Variants in MARK4 observed in about 807,000 individuals in gnomAD.
The protein encoded by MARK4 is MAP/microtubule affinity-regulating kinase 4.
In MARK4, 19 loss-of-function variants were observed where a neutral mutation model predicts 81.5. The ratio of observed to expected loss-of-function variants is 0.23; its 90% CI spans 0.16 to 0.34. MARK4 has a LOEUF of 0.34. MARK4 is among the 10% of genes least tolerant of loss of function. The pLI, the probability that MARK4 is intolerant of heterozygous loss-of-function variation, is 1.00. For synonymous variants in MARK4, 436 were observed against 439.0 expected (o/e 0.99, Z 0.08); for missense variants, 772 against 1,058.8 (o/e 0.73, Z 3.76).
intron 9 of MARK4, among the ~76,000 whole-genome samples, chr19:45,278,315 G>C (rs1340662245): frequency 6.6e-6 from 1 of 152,132 alleles, no homozygotes; most frequent in African/African-American, 2.4e-5. Context: ...CAGGGACCCA[G>C]ATGATGCGGA....
At chr19:45,282,100 A>G (rs1279990565) in intron 12 of MARK4, among the ~76,000 whole-genome samples, 3 of 151,806 alleles carry the variant, frequency 2.0e-5, no homozygotes, top group Admixed American at 2.0e-4. Flanking sequence ...GTGCGTGCCT[A>G]TAATCCCAGC....
intron 13 of MARK4, 127 bp from the exon 14 acceptor site, chr19:45,294,222 A>G: frequency 3.7e-6 from 3 of 803,422 alleles, no homozygotes; most frequent in South Asian, 1.6e-5. Flanking sequence ...ACCATCTCCT[A>G]CTCACCCTGG....
intron 1 of MARK4, among the ~76,000 whole-genome samples, chr19:45,257,748 G>A (rs963365785): frequency 4.7e-5 from 7 of 149,268 alleles, no homozygotes; most frequent in East Asian, 2.0e-4. Flanking sequence ...GGAGTGCAGC[G>A]GCGCGATCTC....
At chr19:45,290,836 G>T (rs1970811141) in intron 13 of MARK4, among the ~76,000 whole-genome samples, 1 of 152,178 alleles carries the variant, frequency 6.6e-6, no homozygotes, top group Admixed American at 6.5e-5. Context: ...TGGACTCCAG[G>T]GCTGTGCAGA....
At chr19:45,270,257 G>C (rs1240337786) in intron 7 of MARK4, among the ~76,000 whole-genome samples, 1 of 152,168 alleles carries the variant, frequency 6.6e-6, no homozygotes, top group East Asian at 1.9e-4. Flanking sequence ...CTGAGGCACA[G>C]AGAGGTCTGG....
intron 7 of MARK4, among the ~76,000 whole-genome samples, chr19:45,268,598 GA>G (rs1264398850): frequency 1.4e-5 from 2 of 147,982 alleles, no homozygotes; most frequent in Admixed American, 6.8e-5. Context: ...AAAAAAAAAA[GA>G]AAAAAAATTA....
intron 12 of MARK4, 141 bp downstream of exon 12, chr19:45,280,875 A>ATTC: frequency 8.0e-7 from 1 of 1,245,638 alleles, no homozygotes; most frequent in Non-Finnish European, 1.1e-6. Flanking sequence ...TTATAAAGAC[A>ATTC]CAGGGCATTG....
chr19:45,251,714 G>T, intron 1 of MARK4, 75 bp downstream of exon 1: 2 of 1,326,756 alleles, frequency 1.5e-6, no homozygotes, highest in Non-Finnish European at 2.0e-6. Context: ...TGTACCCCTC[G>T]CCCCGCGAGC....
At chr19:45,298,337 T>C in intron 15 of MARK4, 1 of 1,007,340 alleles carries the variant, frequency 9.9e-7, no homozygotes, top group Non-Finnish European at 1.5e-6. Flanking sequence ...GTGCGTGGGG[T>C]CTGGTTGTTC....
intron 16 of MARK4, among the ~76,000 whole-genome samples, chr19:45,301,265 C>CA (rs961663884): frequency 7.2e-5 from 11 of 151,838 alleles, no homozygotes; most frequent in Non-Finnish European, 1.3e-4. Flanking sequence ...GACCCTGTCT[C>CA]AAAAAAACTA....
chr19:45,280,545 A>G lies in MARK4; in HGVS notation c.1117-30A>G, dbSNP rs988256447. On this transcript the variant is annotated intron_variant, in intron 11 of 16. Transcript: ENST00000262891. ...GCCTGGGTGGAGGGACTTGGGGTGC[A>G]GAAGAGCCTCATCTGTCATCCTCTC... 8.1e-6 allele frequency: 13 copies of G among 1,613,856 alleles called. No individual in the cohort carries two copies. In the African/African-American group the frequency reaches 1.6e-4, roughly 20 times the overall value.
Position 45,294,404 on chromosome 19 carries a change from G to T in MARK4, c.1550G>T (p.Arg517Leu). The change falls in exon 14 of 17, where the codon CGC (arginine) becomes CTC (leucine). Residue 517 changes from arginine (R) to leucine (L), a missense_variant. Coordinates refer to ENST00000262891, the MANE Select transcript of MARK4 (RefSeq NM_001199867.2). Reference sequence around the variant, plus strand: ...AGAAACACCTACGTTTGCACAGAACGCCCGGGGGCTGAGCGCCCGTCACTG... The same window carrying T: ...AGAAACACCTACGTTTGCACAGAACTCCCGGGGGCTGAGCGCCCGTCACTG... Reference protein sequence around the residue: ...TRRNTYVCTERPGAERPSLLP... With the variant: ...TRRNTYVCTELPGAERPSLLP... 6.2e-7 allele frequency: 1 copy of T among 1,614,064 alleles called. No homozygotes were observed. Among genetic ancestry groups the T allele is most frequent in the Non-Finnish European group, 8.5e-7 (1 of 1,180,016 alleles).
At chr19:45,268,907 C>T (rs1367992489) in intron 7 of MARK4, among the ~76,000 whole-genome samples, 1 of 152,190 alleles carries the variant, frequency 6.6e-6, no homozygotes, top group Non-Finnish European at 1.5e-5. Flanking sequence ...GCCCTGGAGG[C>T]AGCACCTTAG....
intron 13 of MARK4, among the ~76,000 whole-genome samples, chr19:45,291,141 T>G (rs369630772): frequency 1.6e-4 from 24 of 151,944 alleles, no homozygotes; most frequent in Admixed American, 7.2e-4. Flanking sequence ...TGTCAGAGAA[T>G]GATCCACAAC....
At chr19:45,273,733 A>G (rs1012270593) in intron 8 of MARK4, among the ~76,000 whole-genome samples, 2 of 152,212 alleles carry the variant, frequency 1.3e-5, no homozygotes, top group Non-Finnish European at 2.9e-5. Flanking sequence ...TGGGGCAGGA[A>G]TTCTGCAGCT....
rs1599809159 is a variant in MARK4, at chr19:45,302,308, C to T, written c.1923-66C>T. On this transcript the variant is annotated intron_variant, in intron 16 of 16. Transcript: ENST00000262891. The surrounding 1 kb of genome is among the most constrained non-coding windows in gnomAD (Gnocchi z 4.9). ...TGTGTCCCGAATTGGGAAGAGTTGT[C>T]CCTTCAGCCCTCCACCACATTCCTC... The T allele has an allele frequency of 1.2e-6, 2 of 1,606,532 alleles. No homozygotes were observed. Among genetic ancestry groups the T allele is most frequent in the East Asian group, 4.5e-5 (2 of 44,712 alleles).
rs1373898330 is a variant in MARK4, at chr19:45,265,107, C to T, written c.492+197C>T. On this transcript the variant is annotated intron_variant, in intron 6 of 16. Coordinates refer to ENST00000262891, the MANE Select transcript of MARK4 (RefSeq NM_001199867.2). ...GCATCCGGATGTAGGTTTGCAGGTG[C>T]CCCGTTGGGTGGGTGAGAGGATGTT... is the stretch of plus-strand genomic sequence containing the variant. Among the ~76,000 whole-genome samples the T allele has an allele frequency of 2.0e-5, 3 of 152,128 alleles. No homozygotes were observed. In the East Asian group the frequency reaches 5.8e-4, roughly 29 times the overall value.
rs528738026 is a variant in MARK4, at chr19:45,302,612, C to T, written c.2161C>T (p.Arg721Trp). 9.6e-6 allele frequency: 15 copies of T among 1,557,990 alleles called. No homozygotes were observed. The East Asian group carries it at 1.4e-4, about 15-fold the overall frequency. The change falls in exon 17 of 17, where the codon CGG (arginine) becomes TGG (tryptophan). Residue 721 changes from arginine (R) to tryptophan (W), a missense_variant. Around this residue, in one of 3 missense-constraint regions of MARK4, gnomAD observed 548 missense variants for 624.3 expected, o/e 0.88. Transcript: ENST00000262891. This position sits in a 1 kb window ranked among gnomAD's most constrained non-coding sequence, Gnocchi z 4.9. ...CGAAGTGGAGGTCTGCCAGCTGCCC[C>T]GGCCAGGCTTGCGGGGAGTTCTCTT... ...HFEVEVCQLPRPGLRGVLFRR... is the reference protein window; with the variant it reads ...HFEVEVCQLPWPGLRGVLFRR...
intron 4 of MARK4, among the ~76,000 whole-genome samples, chr19:45,264,049 C>T (rs770185259): frequency 2.6e-5 from 4 of 152,146 alleles, no homozygotes; most frequent in African/African-American, 2.4e-5. Context: ...AGTTTAGCTC[C>T]GCCTGGATGT....
Sources: gnomAD v4.1 joint callset for allele counts (sites outside exome capture counted in the v4.1 genomes callset) on GRCh38, gnomAD v4.1.1 for gene constraint, gnomAD v4.1.1 regional missense constraint, Gnocchi (gnomAD v3.1) non-coding constraint, MANE v1.5 for transcripts, NCBI Gene and HGNC (gene_info 2026-07-23, HGNC 2026-07-21) for gene names.